IMMP2L: variants seen among roughly 807,000 people sequenced by gnomAD.
IMMP2L encodes inner mitochondrial membrane peptidase subunit 2.
In IMMP2L, 18 loss-of-function variants were observed where a neutral mutation model predicts 19.3. The observed-to-expected ratio is 0.93, with a 90% CI of 0.64 to 1.38. The LOEUF is 1.38. Among genes scored for constraint, IMMP2L ranks in the 40% most tolerant of loss-of-function variants. The pLI, the probability that IMMP2L is intolerant of heterozygous loss-of-function variation, is 0.00. For synonymous variants in IMMP2L, 76 were observed against 73.0 expected (o/e 1.04, Z -0.21); for missense variants, 233 against 218.2 (o/e 1.07, Z -0.43).
intron 3 of IMMP2L, among the ~76,000 whole-genome samples, chr7:111,328,323 T>C (rs1038410815): frequency 6.6e-6 from 1 of 151,810 alleles, no homozygotes. Context: ...ACTGCAATTA[T>C]GACATATTAC....
At chr7:111,047,557 G>C (rs186312171) in intron 3 of IMMP2L, among the ~76,000 whole-genome samples, 1 of 152,208 alleles carries the variant, frequency 6.6e-6, no homozygotes, top group Admixed American at 6.5e-5. Flanking sequence ...GCAAACTGTA[G>C]AAGCCTTTTT....
chr7:111,547,715 C>T (rs1487000505), intron 1 of IMMP2L, among the ~76,000 whole-genome samples: 3 of 104,794 alleles, frequency 2.9e-5, no homozygotes, highest in Admixed American at 1.2e-4. Context: ...ACCACCACAC[C>T]AGTCTAATTT....
At chr7:111,522,237 C>T (rs1846405649) in intron 1 of IMMP2L, among the ~76,000 whole-genome samples, 3 of 151,902 alleles carry the variant, frequency 2.0e-5, no homozygotes, top group African/African-American at 4.8e-5. Flanking sequence ...ACTCTGTCAC[C>T]CAAGCTGGAG....
At chr7:110,918,796 G>A (rs926174917) in intron 4 of IMMP2L, among the ~76,000 whole-genome samples, 12 of 151,928 alleles carry the variant, frequency 7.9e-5, no homozygotes, top group East Asian at 1.9e-4. Flanking sequence ...TCCTTACATC[G>A]CTCTTCTTGT....
At chr7:111,160,588 A>C (rs1352570283) in intron 3 of IMMP2L, among the ~76,000 whole-genome samples, 1 of 151,960 alleles carries the variant, frequency 6.6e-6, no homozygotes, top group Non-Finnish European at 1.5e-5. Flanking sequence ...TTAATGACTT[A>C]AATTTTTATT....
chr7:111,149,246 G>T (rs368538100), intron 3 of IMMP2L, among the ~76,000 whole-genome samples: 2 of 152,200 alleles, frequency 1.3e-5, no homozygotes, highest in East Asian at 3.9e-4. Flanking sequence ...AAAGAAAGAA[G>T]ATGTGGTCTG....
At chr7:110,666,895 C>T (rs1791496996) in intron 5 of IMMP2L, among the ~76,000 whole-genome samples, 1 of 152,110 alleles carries the variant, frequency 6.6e-6, no homozygotes, top group Admixed American at 6.5e-5. Context: ...AAATATATCT[C>T]AGTTTAAGGG....
intron 3 of IMMP2L, among the ~76,000 whole-genome samples, chr7:111,020,398 A>C (rs547428620): frequency 6.6e-6 from 1 of 152,264 alleles, no homozygotes; most frequent in Admixed American, 6.5e-5. Context: ...AAACAAGCAA[A>C]CGAAAAAACC....
intron 3 of IMMP2L, among the ~76,000 whole-genome samples, chr7:111,004,789 T>C (rs566391311): frequency 6.6e-6 from 1 of 152,316 alleles, no homozygotes; most frequent in South Asian, 2.1e-4. Context: ...TGTTACTGTA[T>C]GCTATGTGGA....
At chr7:110,702,238 G>A (rs1418669591) in intron 5 of IMMP2L, among the ~76,000 whole-genome samples, 3 of 152,012 alleles carry the variant, frequency 2.0e-5, no homozygotes, top group Non-Finnish European at 4.4e-5. Flanking sequence ...CTTGGCCCCT[G>A]AATGGTTTCT....
chr7:110,846,970 A>G (rs941968173), intron 5 of IMMP2L, among the ~76,000 whole-genome samples: 27 of 152,254 alleles, frequency 1.8e-4, no homozygotes, highest in African/African-American at 6.5e-4. Flanking sequence ...TCCTCAAACT[A>G]CTGTCTAGAA....
At chr7:110,775,068 G>A (rs1475591875) in intron 5 of IMMP2L, among the ~76,000 whole-genome samples, 3 of 151,930 alleles carry the variant, frequency 2.0e-5, no homozygotes, top group Non-Finnish European at 2.9e-5. Context: ...TGAAATGGAA[G>A]ATATAAAACT....
intron 5 of IMMP2L, among the ~76,000 whole-genome samples, chr7:110,829,690 T>C (rs1399394418): frequency 6.6e-6 from 1 of 152,208 alleles, no homozygotes; most frequent in Non-Finnish European, 1.5e-5. Context: ...TGTTATACTT[T>C]CCTTTTATCC....
At chr7:111,434,917 G>A (rs896215674) in intron 3 of IMMP2L, among the ~76,000 whole-genome samples, 3 of 151,768 alleles carry the variant, frequency 2.0e-5, no homozygotes, top group Admixed American at 6.6e-5. Context: ...ATGACACAAG[G>A]TGAAAAATGC....
intron 2 of IMMP2L, among the ~76,000 whole-genome samples, chr7:111,517,406 A>C (rs1845963255): frequency 1.3e-5 from 2 of 152,018 alleles, no homozygotes. Flanking sequence ...GCAAATGAAA[A>C]AAGGAAAATG....
chr7:111,239,827 A>T (rs1814790367), intron 3 of IMMP2L, among the ~76,000 whole-genome samples: 1 of 151,946 alleles, frequency 6.6e-6, no homozygotes, highest in South Asian at 2.1e-4. Context: ...CCCAATGAGC[A>T]AGCCTAAGTG....
chr7:110,929,080 G>A (rs1009627270), intron 4 of IMMP2L, among the ~76,000 whole-genome samples: 1 of 152,014 alleles, frequency 6.6e-6, no homozygotes, highest in African/African-American at 2.4e-5. Flanking sequence ...TTATGTAAGG[G>A]GAGAAGCAAA....
intron 3 of IMMP2L, among the ~76,000 whole-genome samples, chr7:111,090,804 T>C (rs1419064626): frequency 6.6e-6 from 1 of 152,146 alleles, no homozygotes; most frequent in African/African-American, 2.4e-5. Flanking sequence ...GAAATCCTTA[T>C]CAGTAGTGTG....
rs541481414 is a variant in IMMP2L, at chr7:110,872,747, G to T, written c.408+13846C>A. 3.3e-5 allele frequency among the ~76,000 whole-genome samples: 5 copies of T among 152,274 alleles called. No homozygotes were observed. The East Asian group carries it at 7.7e-4, about 24-fold the overall frequency. On this transcript the variant is annotated intron_variant, in intron 5 of 5. Coordinates refer to ENST00000405709, the MANE Select transcript of IMMP2L (RefSeq NM_032549.4). ...GCCCCACTGGTCATAGCTAATTGGT[G>T]CAGGACTGGAACTGGATGCAAGCTG... is the stretch of plus-strand genomic sequence containing the variant.
Sources: gnomAD v4.1 joint callset for allele counts (sites outside exome capture counted in the v4.1 genomes callset) on GRCh38, gnomAD v4.1.1 for gene constraint, MANE v1.5 for transcripts, NCBI Gene and HGNC (gene_info 2026-07-23, HGNC 2026-07-21) for gene names.